The following PLA2G4A variants were observed in gnomAD, a reference collection of about 807,000 sequenced individuals.
PLA2G4A encodes the protein phospholipase A2 group IVA, also known as cytosolic phospholipase A2.
A neutral mutation model predicts 81.9 loss-of-function variants in PLA2G4A; 40 were observed. The observed-to-expected ratio is 0.49, with a 90% CI of 0.38 to 0.64. The LOEUF (loss-of-function observed/expected upper bound fraction) is 0.64, where lower values mean the gene tolerates loss of function less well. Ranked by LOEUF, PLA2G4A falls within the 30% of genes least tolerant of loss-of-function variation. The probability of loss-of-function intolerance (pLI) is 0.00; values close to 1 mark genes in which losing one functional copy is unlikely to be tolerated. For synonymous variants in PLA2G4A, 302 were observed against 296.9 expected (o/e 1.02, Z -0.18); for missense variants, 715 against 905.1 (o/e 0.79, Z 2.69).
intron 1 of PLA2G4A, among the ~76,000 whole-genome samples, chr1:186,838,217 G>T (rs1464599940): frequency 6.6e-6 from 1 of 152,128 alleles, no homozygotes; most frequent in Admixed American, 6.5e-5. Flanking sequence ...AGGGTATGTT[G>T]TTTTTCTGCA....
At chr1:186,854,616 T>C (rs1198310837) in intron 2 of PLA2G4A, among the ~76,000 whole-genome samples, 1 of 151,794 alleles carries the variant, frequency 6.6e-6, no homozygotes, top group Non-Finnish European at 1.5e-5. Flanking sequence ...AGGAAAAAAA[T>C]ACCCAAACAC....
At chr1:186,967,375 A>G (rs1657169453) in intron 15 of PLA2G4A, among the ~76,000 whole-genome samples, 1 of 139,824 alleles carries the variant, frequency 7.2e-6, no homozygotes, top group African/African-American at 2.5e-5. Context: ...TAGTTAAGAA[A>G]TGGTGAGATG....
At chr1:186,970,338 T>C (rs1419172200) in intron 15 of PLA2G4A, among the ~76,000 whole-genome samples, 1 of 152,150 alleles carries the variant, frequency 6.6e-6, no homozygotes, top group African/African-American at 2.4e-5. Context: ...TGCAAATATT[T>C]TCTCCCATTC....
intron 14 of PLA2G4A, 133 bp downstream of exon 14, chr1:186,956,477 A>G: frequency 1.1e-6 from 1 of 896,452 alleles, no homozygotes; most frequent in South Asian, 1.4e-5. Flanking sequence ...TAATGTGTGA[A>G]GGGCTTCAAA....
At chr1:186,842,827 G>A (rs547617403) in intron 1 of PLA2G4A, among the ~76,000 whole-genome samples, 1 of 152,338 alleles carries the variant, frequency 6.6e-6, no homozygotes, top group South Asian at 2.1e-4. Flanking sequence ...CACTCGGTCT[G>A]TGATACTTTG....
At chr1:186,844,713 C>T (rs574073046) in intron 1 of PLA2G4A, among the ~76,000 whole-genome samples, 1 of 152,124 alleles carries the variant, frequency 6.6e-6, no homozygotes, top group Non-Finnish European at 1.5e-5. Flanking sequence ...GTGCAGCACA[C>T]CAACATGGCA....
chr1:186,881,357 A>G (rs889691149), intron 3 of PLA2G4A, among the ~76,000 whole-genome samples: 1 of 152,110 alleles, frequency 6.6e-6, no homozygotes, highest in Non-Finnish European at 1.5e-5. Context: ...TTGAGTTCCT[A>G]GGCAATGCTC....
chr1:186,937,701 T>G (rs1656002658), intron 8 of PLA2G4A, among the ~76,000 whole-genome samples: 1 of 148,122 alleles, frequency 6.8e-6, no homozygotes, highest in Non-Finnish European at 1.5e-5. Flanking sequence ...TAGTTTGGTC[T>G]CTAACAACTG....
At chr1:186,980,609 T>G (rs1181307536) in intron 17 of PLA2G4A, among the ~76,000 whole-genome samples, 1 of 152,184 alleles carries the variant, frequency 6.6e-6, no homozygotes, top group African/African-American at 2.4e-5. Flanking sequence ...ATTCAGAATA[T>G]GTGAATGAGT....
chr1:186,872,403 T>G (rs1653309643), intron 3 of PLA2G4A, among the ~76,000 whole-genome samples: 1 of 152,144 alleles, frequency 6.6e-6, no homozygotes, highest in Non-Finnish European at 1.5e-5. Context: ...AAAGCCATTC[T>G]TAATTCCACT....
intron 1 of PLA2G4A, among the ~76,000 whole-genome samples, chr1:186,847,655 A>G (rs1274225205): frequency 6.6e-6 from 1 of 152,088 alleles, no homozygotes; most frequent in Non-Finnish European, 1.5e-5. Flanking sequence ...CCCACTTCAC[A>G]GTTATAAAAG....
intron 3 of PLA2G4A, among the ~76,000 whole-genome samples, chr1:186,883,014 A>G (rs1174235767): frequency 6.6e-6 from 1 of 151,994 alleles, no homozygotes; most frequent in Non-Finnish European, 1.5e-5. Context: ...GTTTTGTATT[A>G]ATTTTTGTCT....
intron 2 of PLA2G4A, among the ~76,000 whole-genome samples, chr1:186,862,588 T>G: frequency 6.6e-6 from 1 of 152,172 alleles, no homozygotes; most frequent in East Asian, 1.9e-4. Context: ...AAAATAGGGA[T>G]AAAATATCTA....
Position 186,964,482 on chromosome 1 carries a change from C to T in PLA2G4A, c.1580-927C>T, listed in dbSNP as rs544195445. ...GGCTCCTTGCTGTCCTCAAACACACCCAGCCTGATTCTGCCTTGGGACCCT... is the reference window on the plus strand; with the variant it reads ...GGCTCCTTGCTGTCCTCAAACACACTCAGCCTGATTCTGCCTTGGGACCCT... On this transcript the variant is annotated intron_variant, in intron 14 of 17. Coordinates refer to ENST00000367466, the MANE Select transcript of PLA2G4A (RefSeq NM_024420.3). Among the ~76,000 whole-genome samples, 9 of 152,222 alleles carry T rather than the reference C, an allele frequency of 5.9e-5. 1 individual carries two copies. The East Asian group carries it at 1.7e-3, about 29-fold the overall frequency.
At position 186,837,818 on chromosome 1, in the gene PLA2G4A, G is replaced by T. The variant is rs148784677; in HGVS notation, c.-70+8783G>T. On this transcript the variant is annotated intron_variant, in intron 1 of 17. Transcript: ENST00000367466. ...TTGATGATTCAGGAAAGAGAGACGT[G>T]ACCATCAAAAATAAAGTCCTTGAGG... Among the ~76,000 whole-genome samples the T allele has an allele frequency of 5.7e-4, 87 of 151,828 alleles. No homozygotes were observed. The Middle Eastern group carries it at 0.031, about 54-fold the overall frequency.
At chr1:186,937,905 A>G (rs763292181) in intron 8 of PLA2G4A, among the ~76,000 whole-genome samples, 11 of 152,060 alleles carry the variant, frequency 7.2e-5, no homozygotes, top group Non-Finnish European at 1.2e-4. Context: ...TGAACAATTA[A>G]CCAACACAGT....
chr1:186,865,633 G>A (rs1269968994), intron 2 of PLA2G4A, among the ~76,000 whole-genome samples: 2 of 152,104 alleles, frequency 1.3e-5, no homozygotes, highest in African/African-American at 2.4e-5. Flanking sequence ...GCAAAGTTAG[G>A]TTGAATAGAG....
At chr1:186,926,054 C>T (rs955925468) in intron 7 of PLA2G4A, among the ~76,000 whole-genome samples, 4 of 152,170 alleles carry the variant, frequency 2.6e-5, no homozygotes, top group African/African-American at 9.7e-5. Flanking sequence ...GCTAGGGAAA[C>T]ACCGGTTAAG....
intron 17 of PLA2G4A, among the ~76,000 whole-genome samples, chr1:186,984,812 G>T (rs1391174097): frequency 6.6e-6 from 1 of 152,180 alleles, no homozygotes; most frequent in African/African-American, 2.4e-5. Flanking sequence ...GAAACTAGGG[G>T]TACAGCATGG....
Sources: allele counts gnomAD v4.1 joint callset (sites outside exome capture counted in the v4.1 genomes callset), GRCh38; gene constraint gnomAD v4.1.1; transcripts MANE v1.5; gene names NCBI Gene and HGNC (gene_info 2026-07-23, HGNC 2026-07-21).